The following PMEPA1 variants were observed in gnomAD, a reference collection of about 807,000 sequenced individuals.
PMEPA1 encodes protein TMEPAI.
In PMEPA1, 11 loss-of-function variants were observed where a neutral mutation model predicts 23.0. That is an observed-to-expected ratio of 0.48 (90% CI 0.30 to 0.79). The LOEUF (loss-of-function observed/expected upper bound fraction) is 0.79. Ranked by LOEUF, PMEPA1 falls within the 30% of genes least tolerant of loss-of-function variation. PMEPA1 has a pLI of 0.06. For synonymous variants in PMEPA1, 204 were observed against 166.4 expected, an observed-to-expected ratio of 1.23 and a Z score of -1.74; for missense variants, 377 against 390.9, an observed-to-expected ratio of 0.96 and a Z score of 0.30.
At chr20:57,698,815 GCA>G (rs1491159902) in intron 1 of PMEPA1, among the ~76,000 whole-genome samples, 1 of 151,422 alleles carries the variant, frequency 6.6e-6, no homozygotes, top group African/African-American at 2.4e-5. Context: ...ACATATAGAG[GCA>G]CACACACACA....
chr20:57,688,351 G>GGGGTGGAGTC (rs1388398513), intron 1 of PMEPA1, among the ~76,000 whole-genome samples: 1 of 151,106 alleles, frequency 6.6e-6, no homozygotes, highest in Non-Finnish European at 1.5e-5. Context: ...ACTTCTTTGT[G>GGGGTGGAGTC]GGGTGGGCTG....
intron 1 of PMEPA1, among the ~76,000 whole-genome samples, chr20:57,673,686 G>A (rs897000541): frequency 2.0e-5 from 3 of 152,174 alleles, no homozygotes; most frequent in African/African-American, 7.2e-5. Context: ...GTCCCATCAT[G>A]AGTGTCCCTT....
chr20:57,672,026 CA>C (rs2071575105), intron 1 of PMEPA1, among the ~76,000 whole-genome samples: 1 of 152,212 alleles, frequency 6.6e-6, no homozygotes, highest in South Asian at 2.1e-4. Context: ...AATATGGATC[CA>C]TTTTTATAGC....
intron 1 of PMEPA1, among the ~76,000 whole-genome samples, chr20:57,707,487 A>G (rs937365565): frequency 2.6e-5 from 4 of 152,222 alleles, no homozygotes; most frequent in Admixed American, 2.6e-4. Context: ...CTAGGGTTCC[A>G]GGTATTAACC....
rs139936280 is a variant in PMEPA1, at chr20:57,655,473, G to C, written c.265-2387C>G. 1.3e-5 allele frequency among the ~76,000 whole-genome samples: 2 copies of C among 152,356 alleles called. No homozygotes were observed. The highest frequency in any genetic ancestry group is 4.8e-5 in the African/African-American group (2 of 41,578). ...GTGCTATGCAGTCAGGGAGTGCTCA[G>C]GTTGCTACTTAAGTGCGGAAGTTGC... On this transcript the variant is annotated intron_variant, in intron 2 of 3. Transcript: ENST00000341744. This position sits in a 1 kb window ranked among gnomAD's most constrained non-coding sequence, Gnocchi z 4.2.
chr20:57,680,511 G>A (rs150564436), intron 1 of PMEPA1, among the ~76,000 whole-genome samples: 8 of 152,318 alleles, frequency 5.3e-5, no homozygotes, highest in Admixed American at 2.0e-4. Flanking sequence ...GAGCCCAAAC[G>A]TCAGCACCAA....
At chr20:57,693,669 C>G (rs889527415) in intron 1 of PMEPA1, among the ~76,000 whole-genome samples, 2 of 152,150 alleles carry the variant, frequency 1.3e-5, no homozygotes, top group African/African-American at 4.8e-5. Context: ...GCAGAATATC[C>G]ACCCATTTCA....
At position 57,652,753 on chromosome 20, in the gene PMEPA1, T is replaced by C. The variant is rs568696431; in HGVS notation, c.319-155A>G. On this transcript the variant is annotated intron_variant, in intron 3 of 3. Coordinates refer to ENST00000341744, the MANE Select transcript of PMEPA1 (RefSeq NM_020182.5). This position sits in a 1 kb window ranked among gnomAD's most constrained non-coding sequence, Gnocchi z 6.1. ...GCGGGGGCGGGAGCCCAGAGCCTGA[T>C]CCCGCGGGGGCCCTGGCCTGGGGGG... 3.3e-5 allele frequency among the ~76,000 whole-genome samples: 5 copies of C among 152,114 alleles called. No homozygotes were observed. The East Asian group carries it at 7.8e-4, about 24-fold the overall frequency.
In PMEPA1 at chr20:57,672,165, A is replaced by G. The variant is rs564702851; in HGVS notation, c.110-12468T>C. Among the ~76,000 whole-genome samples, 5 of 152,390 alleles carry G rather than the reference A, an allele frequency of 3.3e-5. No homozygotes were observed. The South Asian group carries it at 1.0e-3, about 32-fold the overall frequency. ...ACAGGCATAACACTTCTAATTTTTT[A>G]AATCTTAATAACATACCAGAAAGAC... On this transcript the variant is annotated intron_variant, in intron 1 of 3. Transcript: ENST00000341744.
intron 1 of PMEPA1, among the ~76,000 whole-genome samples, chr20:57,660,499 A>T (rs1335272815): frequency 2.1e-5 from 3 of 145,890 alleles, no homozygotes; most frequent in African/African-American, 5.2e-5. Context: ...ACAACACCCC[A>T]ACACTCCTAC....
intron 1 of PMEPA1, among the ~76,000 whole-genome samples, chr20:57,663,636 T>G (rs539372065): frequency 2.6e-5 from 4 of 152,330 alleles, no homozygotes; most frequent in East Asian, 3.9e-4. Context: ...GAGGGCTCCC[T>G]GTAAGGTGGG....
chr20:57,670,750 T>A (rs1163600945), intron 1 of PMEPA1, among the ~76,000 whole-genome samples: 1 of 152,210 alleles, frequency 6.6e-6, no homozygotes, highest in African/African-American at 2.4e-5. Flanking sequence ...TGTGTGCTTC[T>A]CTTTTCACTG....
chr20:57,698,945 A>G (rs1175858392), intron 1 of PMEPA1, among the ~76,000 whole-genome samples: 1 of 152,200 alleles, frequency 6.6e-6, no homozygotes, highest in African/African-American at 2.4e-5. Context: ...ACTGACCACA[A>G]CCAAACTCTC....
At position 57,683,558 on chromosome 20, in the gene PMEPA1, T is replaced by TGTGTGC. The variant is rs1555882181; in HGVS notation, c.110-23862_110-23861insGCACAC. Among the ~76,000 whole-genome samples the TGTGTGC allele has an allele frequency of 1.4e-3, 200 of 141,094 alleles. 2 individuals carry two copies. The highest frequency in any genetic ancestry group is 3.5e-3 in the Middle Eastern group (1 of 282). 92.6% of individuals were successfully genotyped at this position (141,094 alleles called of 152,430 possible). A position where few individuals can be genotyped will look rare whatever the true frequency, so the allele number is the denominator to read the frequency against. On this transcript the variant is annotated intron_variant, in intron 1 of 3. Transcript: ENST00000341744. This position sits in a 1 kb window ranked among gnomAD's most constrained non-coding sequence, Gnocchi z 4.3. ...GGTGGTGTTCTGGCCTGTGTGCGTG[T>TGTGTGC]GTGTGTGTGTGTGTGTGTGTGTGTG...
At chr20:57,708,512 G>A (rs1272943426) in intron 1 of PMEPA1, among the ~76,000 whole-genome samples, 1 of 152,144 alleles carries the variant, frequency 6.6e-6, no homozygotes, top group African/African-American at 2.4e-5. Context: ...TTAGCGACAA[G>A]GTTCAAAACC....
chr20:57,701,725 G>A (rs2072013967), intron 1 of PMEPA1, among the ~76,000 whole-genome samples: 1 of 152,122 alleles, frequency 6.6e-6, no homozygotes, highest in African/African-American at 2.4e-5. Flanking sequence ...AGGGTCAACT[G>A]GAGACTCGGG....
chr20:57,709,527 T>A lies in PMEPA1; in HGVS notation c.56A>T (p.Asn19Ile). 1 of 1,132,418 alleles carries A rather than the reference T, an allele frequency of 8.8e-7. No individual in the cohort carries two copies. The highest frequency in any genetic ancestry group is 2.5e-5 in the South Asian group (1 of 40,552). 70.1% of individuals were successfully genotyped at this position (1,132,418 alleles called of 1,614,324 possible). A position where few individuals can be genotyped will look rare whatever the true frequency, so the allele number is the denominator to read the frequency against. ...TTTGCAGTTGCACGTGCAGGAGACA[T>A]TGGGCTGCCCGGCGGCGGCGGCGGC... ...STAAAAAGQPNVSCTCNCKRS... is the reference protein window; with the variant it reads ...STAAAAAGQPIVSCTCNCKRS... The change falls in exon 1 of 4, where the codon AAT (asparagine) becomes ATT (isoleucine). Residue 19 changes from asparagine (N) to isoleucine (I), a missense_variant. Physicochemically the swap from Asn to Ile is moderately radical, Grantham distance 149. Transcript: ENST00000341744.
intron 1 of PMEPA1, among the ~76,000 whole-genome samples, chr20:57,687,229 G>A (rs771431991): frequency 5.9e-5 from 9 of 152,194 alleles, no homozygotes; most frequent in Non-Finnish European, 1.0e-4. Context: ...TCAACTGAGC[G>A]ACTTCCTTCT....
chr20:57,701,446 T>G (rs1438118599), intron 1 of PMEPA1, among the ~76,000 whole-genome samples: 1 of 152,198 alleles, frequency 6.6e-6, no homozygotes, highest in Non-Finnish European at 1.5e-5. Flanking sequence ...TGCCATTTGA[T>G]GGCCTTTGGA....
Sources: gnomAD v4.1 joint callset for allele counts (sites outside exome capture counted in the v4.1 genomes callset) on GRCh38, gnomAD v4.1.1 for gene constraint, Gnocchi (gnomAD v3.1) non-coding constraint, MANE v1.5 for transcripts, NCBI Gene and HGNC (gene_info 2026-07-23, HGNC 2026-07-21) for gene names.